Variants in PSD3 observed in about 807,000 individuals in gnomAD.
PSD3 encodes pleckstrin and Sec7 domain containing 3.
Under a neutral mutation model 105.5 loss-of-function variants are expected in PSD3, and 49 were observed. That is an observed-to-expected ratio of 0.46 (90% CI 0.37 to 0.59). The LOEUF is 0.59. Among genes scored for constraint, PSD3 ranks in the 20% least tolerant of loss-of-function variants. The pLI is 0.00. For synonymous variants in PSD3, 557 were observed against 457.8 expected (o/e 1.22, Z -2.77); for missense variants, 1,561 against 1,263.8 (o/e 1.24, Z -3.57).
At chr8:18,670,623 A>G (rs551541245) in intron 9 of PSD3, among the ~76,000 whole-genome samples, 1 of 152,304 alleles carries the variant, frequency 6.6e-6, no homozygotes, top group East Asian at 1.9e-4. Flanking sequence ...AACTGGGTAC[A>G]ACGAACAGTT....
At chr8:18,629,709 T>C (rs1188995080) in intron 11 of PSD3, among the ~76,000 whole-genome samples, 2 of 151,926 alleles carry the variant, frequency 1.3e-5, no homozygotes, top group African/African-American at 4.8e-5. Context: ...ATGGGAGTAA[T>C]ACGAGAAGCA....
intron 9 of PSD3, among the ~76,000 whole-genome samples, chr8:18,755,750 T>C (rs190384536): frequency 1.1e-4 from 16 of 148,106 alleles, no homozygotes; most frequent in Admixed American, 1.1e-3. Context: ...GACTTCTTTT[T>C]GGTAATTTTT....
At chr8:18,720,695 AC>A (rs1802912739) in intron 9 of PSD3, among the ~76,000 whole-genome samples, 1 of 152,022 alleles carries the variant, frequency 6.6e-6, no homozygotes, top group African/African-American at 2.4e-5. Context: ...CTGCCTGGCC[AC>A]CCCCACAGTG....
At chr8:18,633,126 G>A (rs754006905) in intron 10 of PSD3, among the ~76,000 whole-genome samples, 1 of 151,938 alleles carries the variant, frequency 6.6e-6, no homozygotes, top group Non-Finnish European at 1.5e-5. Flanking sequence ...TAAAGTCATT[G>A]GTCTTTTCAC....
chr8:18,690,682 C>T (rs867666693), intron 9 of PSD3, among the ~76,000 whole-genome samples: 6 of 152,328 alleles, frequency 3.9e-5, no homozygotes, highest in East Asian at 3.9e-4. Flanking sequence ...GACACACCAC[C>T]GCTTTCCTAA....
At chr8:18,866,827 A>T (rs1366987238) in intron 4 of PSD3, among the ~76,000 whole-genome samples, 1 of 151,784 alleles carries the variant, frequency 6.6e-6, no homozygotes, top group Non-Finnish European at 1.5e-5. Flanking sequence ...ATACAGCTTT[A>T]AACAGCTTTA....
chr8:18,571,234 T>A (rs541900617), intron 14 of PSD3, among the ~76,000 whole-genome samples: 1 of 152,260 alleles, frequency 6.6e-6, no homozygotes, highest in South Asian at 2.1e-4. Context: ...ACAAGGCCTT[T>A]CATGATTTGG....
chr8:18,596,498 G>C (rs955423473), intron 12 of PSD3, among the ~76,000 whole-genome samples: 1 of 151,734 alleles, frequency 6.6e-6, no homozygotes, highest in Non-Finnish European at 1.5e-5. Flanking sequence ...TCAAAGATTA[G>C]AGCAGAAATA....
In PSD3 at chr8:19,024,658, T is replaced by C. The variant is rs114023122; in HGVS notation, c.324+59548A>G. Among the ~76,000 whole-genome samples, 279 of 152,050 alleles carry C rather than the reference T, an allele frequency of 1.8e-3. 1 individual carries two copies. Among genetic ancestry groups the C allele is most frequent in the African/African-American group, 6.4e-3 (264 of 41,480 alleles). ...GGAGTTGGTTATCAGAAAGACGACA[T>C]GATTAGAGGGGTAGAACTTTCAGCC... On this transcript the variant is annotated intron_variant, in intron 1 of 1. Coordinates refer to the PSD3 transcript ENST00000521475.
chr8:18,748,593 G>C (rs1471948007), intron 9 of PSD3, among the ~76,000 whole-genome samples: 1 of 149,592 alleles, frequency 6.7e-6, no homozygotes, highest in Non-Finnish European at 1.5e-5. Context: ...CTGGGATGCA[G>C]AGCTTGCAGT....
intron 1 of PSD3, among the ~76,000 whole-genome samples, chr8:18,980,135 A>T (rs928323458): frequency 3.3e-5 from 5 of 152,180 alleles, no homozygotes; most frequent in African/African-American, 1.2e-4. Flanking sequence ...CTACTTAAAG[A>T]CCTACTGTCT....
At chr8:18,804,433 AAT>A (rs202220661) in intron 6 of PSD3, 87 bp downstream of exon 6, 8 of 1,120,916 alleles carry the variant, frequency 7.1e-6, no homozygotes, top group East Asian at 2.4e-5. Flanking sequence ...AAAAAAAAAA[AAT>A]AAGATTCTAG....
chr8:18,699,539 T>C (rs1436579316), intron 9 of PSD3, among the ~76,000 whole-genome samples: 6 of 152,144 alleles, frequency 3.9e-5, no homozygotes, highest in African/African-American at 7.2e-5. Flanking sequence ...GGGACTTATA[T>C]TGAATGAGTT....
intron 8 of PSD3, among the ~76,000 whole-genome samples, chr8:18,766,373 T>C (rs1372300529): frequency 2.0e-5 from 3 of 152,136 alleles, no homozygotes. Flanking sequence ...TATATACACA[T>C]ACATACAATT....
chr8:18,566,523 C>T (rs1402299075), intron 14 of PSD3, among the ~76,000 whole-genome samples: 2 of 11,976 alleles, frequency 1.7e-4, no homozygotes, highest in African/African-American at 5.5e-4. Context: ...CAGACTCTGT[C>T]TCAAAAAAAA....
chr8:19,006,937 C>T (rs1246486872), intron 1 of PSD3, among the ~76,000 whole-genome samples: 1 of 152,048 alleles, frequency 6.6e-6, no homozygotes, highest in Admixed American at 6.6e-5. Flanking sequence ...AATTAGGGAA[C>T]CACCTACAGC....
chr8:18,685,023 G>A (rs1351118122), intron 9 of PSD3, among the ~76,000 whole-genome samples: 3 of 152,274 alleles, frequency 2.0e-5, no homozygotes, highest in Non-Finnish European at 2.9e-5. Flanking sequence ...CCACATAAGC[G>A]TGTTCTCCAG....
At chr8:18,864,381 C>G (rs534391515) in intron 4 of PSD3, among the ~76,000 whole-genome samples, 1 of 152,126 alleles carries the variant, frequency 6.6e-6, no homozygotes, top group Non-Finnish European at 1.5e-5. Flanking sequence ...ATTATGAGAA[C>G]GAAGCATCAT....
intron 9 of PSD3, among the ~76,000 whole-genome samples, chr8:18,738,057 G>A (rs1804284391): frequency 6.6e-6 from 1 of 152,138 alleles, no homozygotes; most frequent in South Asian, 2.1e-4. Context: ...ATTGGGAGAA[G>A]GGCAAAGGAA....
Sources: gnomAD v4.1 joint callset for allele counts (sites outside exome capture counted in the v4.1 genomes callset) on GRCh38, gnomAD v4.1.1 for gene constraint, MANE v1.5 for transcripts, NCBI Gene and HGNC (gene_info 2026-07-23, HGNC 2026-07-21) for gene names.